The following LRRC8B variants were observed in gnomAD, a reference collection of about 807,000 sequenced individuals.
LRRC8B encodes the protein leucine rich repeat containing 8 VRAC subunit B.
In LRRC8B, 23 loss-of-function variants were observed where a neutral mutation model predicts 58.8. The ratio of observed to expected loss-of-function variants is 0.39; its 90% CI spans 0.28 to 0.55. The LOEUF (loss-of-function observed/expected upper bound fraction) is 0.55, where lower values mean the gene tolerates loss of function less well. Among genes scored for constraint, LRRC8B ranks in the 20% least tolerant of loss-of-function variants. The probability of loss-of-function intolerance (pLI) is 0.62; values close to 1 mark genes in which losing one functional copy is unlikely to be tolerated. For missense variants in LRRC8B, 694 were observed against 936.0 expected (o/e 0.74, Z 3.37); for synonymous variants, 359 against 374.1 (o/e 0.96, Z 0.47).
intron 5 of LRRC8B, 83 bp downstream of exon 5, chr1:89,584,872 C>T: frequency 1.0e-6 from 1 of 993,314 alleles, no homozygotes; most frequent in Non-Finnish European, 1.5e-6. Flanking sequence ...CACTTCAAAT[C>T]ATACTGTGTG....
chr1:89,583,719 A>G lies in LRRC8B; in HGVS notation c.1069A>G (p.Ser357Gly), dbSNP rs1654414535. 1 of 1,614,038 alleles carries G rather than the reference A, an allele frequency of 6.2e-7. No homozygotes were observed. Among genetic ancestry groups the G allele is most frequent in the Non-Finnish European group, 8.5e-7 (1 of 1,179,894 alleles). Reference sequence around the variant, plus strand: ...GGCGTTAAGAGAAAAAAGCAACTACAGTGACATCCCTGATGTCAAGAATGA... The same window carrying G: ...GGCGTTAAGAGAAAAAAGCAACTACGGTGACATCCCTGATGTCAAGAATGA... ...FEALREKSNY[S>G]DIPDVKNDFA... is the part of the protein sequence containing the mutation. Residue 357 changes from serine (S) to glycine (G), a missense_variant, in exon 5 of 6, where the codon AGT (serine) becomes GGT (glycine). Around this residue, in one of 5 missense-constraint regions of LRRC8B, gnomAD observed 24 missense variants for 63.2 expected, o/e 0.38. Transcript: ENST00000330947. This position sits in a 1 kb window ranked among gnomAD's most constrained non-coding sequence, Gnocchi z 5.2.
At chr1:89,587,406 C>T (rs557182726) in intron 5 of LRRC8B, among the ~76,000 whole-genome samples, 91 of 152,208 alleles carry the variant, frequency 6.0e-4, no homozygotes, top group African/African-American at 1.8e-3. Context: ...TGGTGGCACG[C>T]GCCTGTAGTC....
At chr1:89,569,928 A>T (rs1178848209) in intron 3 of LRRC8B, among the ~76,000 whole-genome samples, 1 of 151,978 alleles carries the variant, frequency 6.6e-6, no homozygotes, top group African/African-American at 2.4e-5. Flanking sequence ...TGTTCTCATC[A>T]TTTAGCCCCT....
intron 5 of LRRC8B, among the ~76,000 whole-genome samples, chr1:89,588,793 G>C (rs1421135707): frequency 6.6e-6 from 1 of 152,170 alleles, no homozygotes; most frequent in Non-Finnish European, 1.5e-5. Flanking sequence ...AAGAGACAAA[G>C]ACTCTCATAC....
intron 1 of LRRC8B, among the ~76,000 whole-genome samples, chr1:89,541,226 A>G (rs996734576): frequency 2.0e-5 from 3 of 152,198 alleles, no homozygotes; most frequent in Non-Finnish European, 2.9e-5. Context: ...CTAAAAAATT[A>G]TGGGCTCATT....
chr1:89,557,237 A>G (rs922107), intron 1 of LRRC8B, among the ~76,000 whole-genome samples: 77,394 of 151,544 alleles, frequency 0.51, 20,009 homozygotes, highest in South Asian at 0.58. Context: ...TTTTGACTTC[A>G]CAGTAGGACC....
intron 1 of LRRC8B, among the ~76,000 whole-genome samples, chr1:89,560,053 TATCA>T (rs1346299170): frequency 6.6e-6 from 1 of 152,224 alleles, no homozygotes; most frequent in Non-Finnish European, 1.5e-5. Context: ...GTAGAGACTC[TATCA>T]ATCATTTGTT....
chr1:89,567,759 G>A (rs1366551304), intron 1 of LRRC8B, among the ~76,000 whole-genome samples: 1 of 152,004 alleles, frequency 6.6e-6, no homozygotes, highest in Non-Finnish European at 1.5e-5. Flanking sequence ...CATATGAAGA[G>A]TACTGAGATG....
At chr1:89,571,510 G>A (rs59220504) in intron 3 of LRRC8B, among the ~76,000 whole-genome samples, 161 of 152,284 alleles carry the variant, frequency 1.1e-3, no homozygotes, top group African/African-American at 3.8e-3. Context: ...ACTGTTGTTG[G>A]TGTATAGGAA....
At chr1:89,530,099 A>G (rs905148837) in intron 1 of LRRC8B, among the ~76,000 whole-genome samples, 1 of 152,032 alleles carries the variant, frequency 6.6e-6, no homozygotes, top group Non-Finnish European at 1.5e-5. Context: ...CTGTAATCCC[A>G]GCACTTTGGG....
chr1:89,550,169 G>T (rs958094206), intron 1 of LRRC8B, among the ~76,000 whole-genome samples: 1 of 152,146 alleles, frequency 6.6e-6, no homozygotes, highest in Non-Finnish European at 1.5e-5. Flanking sequence ...GAACCTGCTC[G>T]AAAGCACTTA....
At chr1:89,587,418 C>T (rs1654701002) in intron 5 of LRRC8B, among the ~76,000 whole-genome samples, 1 of 152,116 alleles carries the variant, frequency 6.6e-6, no homozygotes, top group African/African-American at 2.4e-5. Context: ...CCTGTAGTCC[C>T]AGCTACTTAG....
intron 1 of LRRC8B, among the ~76,000 whole-genome samples, chr1:89,543,711 G>A (rs916234478): frequency 3.3e-5 from 5 of 151,382 alleles, no homozygotes; most frequent in African/African-American, 9.7e-5. Flanking sequence ...GGTCAGGCTG[G>A]TCTCAAACTC....
chr1:89,590,964 A>G (rs776545643), intron 5 of LRRC8B, among the ~76,000 whole-genome samples: 2 of 152,184 alleles, frequency 1.3e-5, no homozygotes, highest in Non-Finnish European at 2.9e-5. Context: ...ACTGGTGGGT[A>G]GAGGCTGAGG....
Position 89,583,990 on chromosome 1 carries a change from T to G in LRRC8B, c.1340T>G (p.Leu447Arg). The G allele has an allele frequency of 6.2e-7, 1 of 1,614,244 alleles. No homozygotes were observed. The highest frequency in any genetic ancestry group is 8.5e-7 in the Non-Finnish European group (1 of 1,180,044). The change falls in exon 5 of 6, where the codon CTG becomes CGG. Residue 447 changes from leucine to arginine, a missense_variant. Physicochemically the swap from Leu to Arg is moderately radical, Grantham distance 102. This residue lies in a region of LRRC8B where 162 missense variants were observed against 198.5 expected (regional missense o/e 0.82). Transcript: ENST00000330947. This position sits in a 1 kb window ranked among gnomAD's most constrained non-coding sequence, Gnocchi z 5.2. The part of the protein sequence containing the change: ...FELTEMEVLS[L>R]ELIPEVKLPS... The stretch of plus-strand genomic sequence containing the variant: ...TTAACTGAAATGGAAGTGCTAAGCC[T>G]GGAGCTTATCCCAGAGGTGAAGCTG...
At chr1:89,544,458 T>C (rs1323666638) in intron 1 of LRRC8B, among the ~76,000 whole-genome samples, 2 of 152,252 alleles carry the variant, frequency 1.3e-5, no homozygotes, top group African/African-American at 4.8e-5. Context: ...CTGTTGTTTT[T>C]ATCGACTATT....
chr1:89,577,780 G>A (rs972782965), intron 3 of LRRC8B, among the ~76,000 whole-genome samples: 13 of 152,070 alleles, frequency 8.5e-5, no homozygotes, highest in African/African-American at 2.2e-4. Context: ...TATATGTAAC[G>A]GAAGACATTA....
intron 1 of LRRC8B, among the ~76,000 whole-genome samples, chr1:89,559,886 T>C (rs972911074): frequency 6.6e-6 from 1 of 152,216 alleles, no homozygotes; most frequent in Non-Finnish European, 1.5e-5. Flanking sequence ...GTAGACATTG[T>C]ACTCCTTTTC....
intron 1 of LRRC8B, among the ~76,000 whole-genome samples, chr1:89,554,064 T>C (rs1455837143): frequency 6.6e-6 from 1 of 152,170 alleles, no homozygotes; most frequent in East Asian, 1.9e-4. Context: ...GTGCCTGTTA[T>C]GTTCTGGGCC....
Sources: gnomAD v4.1 joint callset for allele counts (sites outside exome capture counted in the v4.1 genomes callset) on GRCh38, gnomAD v4.1.1 for gene constraint, gnomAD v4.1.1 regional missense constraint, Gnocchi (gnomAD v3.1) non-coding constraint, MANE v1.5 for transcripts, NCBI Gene and HGNC (gene_info 2026-07-23, HGNC 2026-07-21) for gene names.